PCDHA8: variants seen among roughly 807,000 people sequenced by gnomAD.
PCDHA8 encodes protocadherin alpha 8.
A neutral mutation model predicts 61.8 loss-of-function variants in PCDHA8; 53 were observed. The ratio of observed to expected loss-of-function variants is 0.86; its 90% confidence interval spans 0.69 to 1.08. PCDHA8 has a LOEUF of 1.08. PCDHA8 is among the 50% of genes least tolerant of loss of function. The pLI, the probability that PCDHA8 is intolerant of heterozygous loss-of-function variation, is 0.00. For missense variants in PCDHA8, 1,293 were observed against 1,245.0 expected, an observed-to-expected ratio of 1.04 and a Z score of -0.58; for synonymous variants, 618 against 556.6, an observed-to-expected ratio of 1.11 and a Z score of -1.55.
chr5:140,990,342 C>A (rs2097389388), intron 3 of PCDHA8, among the ~76,000 whole-genome samples: 1 of 152,124 alleles, frequency 6.6e-6, no homozygotes, highest in Non-Finnish European at 1.5e-5. Flanking sequence ...TAAGTAAAGC[C>A]TGCCCTGTAC....
At chr5:140,968,419 T>C (rs372766707) in intron 1 of PCDHA8, 37 of 1,613,898 alleles carry the variant, frequency 2.3e-5, no homozygotes, top group Non-Finnish European at 3.0e-5. Context: ...CTGTGGAGGC[T>C]CAGGACAAGG....
chr5:141,002,679 G>A (rs1554258764), intron 3 of PCDHA8, among the ~76,000 whole-genome samples: 1 of 152,134 alleles, frequency 6.6e-6, no homozygotes, highest in Non-Finnish European at 1.5e-5. Context: ...AAACCTATAC[G>A]ACGTGCAGAT....
intron 3 of PCDHA8, among the ~76,000 whole-genome samples, chr5:140,986,213 C>G (rs1554247816): frequency 6.6e-6 from 1 of 152,208 alleles, no homozygotes. Context: ...TTACTGGCCC[C>G]TTTCTCTAGC....
At chr5:140,849,663 A>T in intron 1 of PCDHA8, 1 of 1,598,672 alleles carries the variant, frequency 6.3e-7, no homozygotes, top group Non-Finnish European at 8.6e-7. Context: ...CTGCTCCCTG[A>T]CGCCCCACGT....
chr5:140,892,993 C>T (rs2063771968), intron 1 of PCDHA8, among the ~76,000 whole-genome samples: 1 of 152,170 alleles, frequency 6.6e-6, no homozygotes, highest in Non-Finnish European at 1.5e-5. Flanking sequence ...TAAGTGAGAA[C>T]ATGTATTTAT....
rs2150432258 is a variant in PCDHA8 at position 140,849,188 on chromosome 5, G to T, written c.2394+5473G>T. Reference sequence around the variant, plus strand: ...CTGGCACCGTTCAATTACTCATCACGGTACTGGACAACAATGACAATGCCC... The same window carrying T: ...CTGGCACCGTTCAATTACTCATCACTGTACTGGACAACAATGACAATGCCC... On this transcript the variant is annotated intron_variant, in intron 1 of 3. Transcript: ENST00000531613. The T allele has an allele frequency of 1.1e-3, 1,187 of 1,054,992 alleles. 42 individuals carry two copies. In the African/African-American group the frequency reaches 0.02, roughly 18 times the overall value. The allele number at this position is 1,054,992 out of a possible 1,614,324, so 65.4% of individuals were successfully genotyped here. A position where few individuals can be genotyped will look rare whatever the true frequency, so the allele number is the denominator to read the frequency against.
intron 1 of PCDHA8, among the ~76,000 whole-genome samples, chr5:140,931,040 A>G (rs2087258988): frequency 6.6e-6 from 1 of 152,242 alleles, no homozygotes; most frequent in South Asian, 2.1e-4. Flanking sequence ...GCTAGCAAGA[A>G]AAACTTCAAT....
chr5:140,938,295 A>G (rs1458865676), intron 1 of PCDHA8, among the ~76,000 whole-genome samples: 1 of 152,190 alleles, frequency 6.6e-6, no homozygotes, highest in Non-Finnish European at 1.5e-5. Context: ...GTCATTGCCT[A>G]TGAAATTCAG....
chr5:141,000,304 G>A (rs1225893261), intron 3 of PCDHA8, among the ~76,000 whole-genome samples: 1 of 147,530 alleles, frequency 6.8e-6, no homozygotes, highest in Non-Finnish European at 1.5e-5. Context: ...GAGGCCAGGA[G>A]TTCAAGACCA....
chr5:140,877,592 T>G, intron 1 of PCDHA8: 1 of 1,613,812 alleles, frequency 6.2e-7, no homozygotes, highest in South Asian at 1.1e-5. Flanking sequence ...ATCTGTGCGG[T>G]GTCCAGCCTG....
At chr5:140,883,470 A>T in intron 1 of PCDHA8, 3 of 1,614,126 alleles carry the variant, frequency 1.9e-6, no homozygotes, top group Non-Finnish European at 1.7e-6. Context: ...GTGTCCACCT[A>T]CAAGAACTAC....
chr5:140,907,037 A>G (rs2073120356), intron 1 of PCDHA8, among the ~76,000 whole-genome samples: 1 of 152,202 alleles, frequency 6.6e-6, no homozygotes, highest in Non-Finnish European at 1.5e-5. Flanking sequence ...ATAATGTCAC[A>G]GGGACAGTAA....
chr5:140,855,938 T>G, intron 1 of PCDHA8: 1 of 1,308,620 alleles, frequency 7.6e-7, no homozygotes, highest in South Asian at 1.5e-5. Context: ...CATTCTGAGA[T>G]CTCAGCCATT....
chr5:140,883,251 T>C, intron 1 of PCDHA8: 1 of 1,614,086 alleles, frequency 6.2e-7, no homozygotes, highest in Non-Finnish European at 8.5e-7. Flanking sequence ...AAAGGAAATA[T>C]TCCAATGGCG....
At chr5:140,888,037 A>T (rs547880007) in intron 1 of PCDHA8, among the ~76,000 whole-genome samples, 8 of 152,186 alleles carry the variant, frequency 5.3e-5, no homozygotes, top group Non-Finnish European at 1.0e-4. Flanking sequence ...ATATTAGTAC[A>T]TGTATAATAG....
At chr5:140,935,047 A>G (rs782161261) in intron 1 of PCDHA8, among the ~76,000 whole-genome samples, 11 of 152,140 alleles carry the variant, frequency 7.2e-5, no homozygotes, top group Admixed American at 3.3e-4. Flanking sequence ...GATTTCTGGT[A>G]TTACAAGATG....
chr5:140,910,183 A>C (rs2074920018), intron 1 of PCDHA8, among the ~76,000 whole-genome samples: 1 of 152,238 alleles, frequency 6.6e-6, no homozygotes, highest in Non-Finnish European at 1.5e-5. Context: ...TTTATAATTC[A>C]AATTAGTCTT....
chr5:140,856,835 C>T, intron 1 of PCDHA8: 2 of 1,591,090 alleles, frequency 1.3e-6, no homozygotes, highest in Non-Finnish European at 1.7e-6. Flanking sequence ...AGTAATACGG[C>T]TCAACGCTTC....
intron 1 of PCDHA8, chr5:140,863,626 A>G (rs2048099492): frequency 3.1e-6 from 1 of 320,146 alleles, no homozygotes; most frequent in African/African-American, 2.2e-5. Context: ...AGTGACATTG[A>G]TAATGTTCAC....
Sources: allele counts gnomAD v4.1 joint callset (sites outside exome capture counted in the v4.1 genomes callset), GRCh38; gene constraint gnomAD v4.1.1; transcripts MANE v1.5; gene names NCBI Gene and HGNC (gene_info 2026-07-23, HGNC 2026-07-21).